SMCO4: variants seen among roughly 807,000 people sequenced by gnomAD.
The protein encoded by SMCO4 is single-pass membrane and coiled-coil domain-containing protein 4.
SMCO4 carries 4 observed loss-of-function variants against 3.6 expected under a neutral mutation model. That is an observed-to-expected ratio of 1.11 (90% CI 0.54 to 2.53). The LOEUF is 2.53. Ranked by LOEUF, SMCO4 falls within the 30% of genes most tolerant of loss-of-function variation. The pLI, the probability that SMCO4 is intolerant of heterozygous loss-of-function variation, is 0.02. For missense variants in SMCO4, 70 were observed against 80.8 expected (o/e 0.87, Z 0.51); for synonymous variants, 36 against 35.3 (o/e 1.02, Z -0.07).
intron 1 of SMCO4, among the ~76,000 whole-genome samples, chr11:93,516,940 C>T (rs1949013344): frequency 1.3e-5 from 2 of 152,100 alleles, no homozygotes; most frequent in Admixed American, 1.3e-4. Context: ...GCCTTCCCTG[C>T]CTCATAGCCC....
At chr11:93,490,844 G>A (rs900659073) in intron 2 of SMCO4, among the ~76,000 whole-genome samples, 5 of 152,240 alleles carry the variant, frequency 3.3e-5, no homozygotes, top group African/African-American at 1.2e-4. Context: ...CTATCTCCCG[G>A]AGAAACCAAG....
At chr11:93,532,761 G>A (rs115594335) in intron 1 of SMCO4, among the ~76,000 whole-genome samples, 464 of 152,310 alleles carry the variant, frequency 3.0e-3, no homozygotes, top group African/African-American at 0.01. Context: ...GCATGGAACA[G>A]ACTCCCCTCA....
chr11:93,541,034 T>G (rs1949266984), intron 1 of SMCO4, among the ~76,000 whole-genome samples: 1 of 152,196 alleles, frequency 6.6e-6, no homozygotes, highest in South Asian at 2.1e-4. Flanking sequence ...AAACCCAATA[T>G]GGATTTTGAA....
chr11:93,543,855 A>G (rs1394723660), upstream of SMCO4, among the ~76,000 whole-genome samples: 2 of 152,184 alleles, frequency 1.3e-5, no homozygotes, highest in African/African-American at 2.4e-5. Context: ...ATGAGTTGAG[A>G]CTTTTACCGC....
At chr11:93,535,327 GT>G in intron 1 of SMCO4, 1 of 583,494 alleles carries the variant, frequency 1.7e-6, no homozygotes. Flanking sequence ...GTCCTTGAGG[GT>G]TTGGTTCCCT....
intron 1 of SMCO4, among the ~76,000 whole-genome samples, chr11:93,502,748 G>T (rs1282957654): frequency 6.6e-6 from 1 of 152,082 alleles, no homozygotes; most frequent in Non-Finnish European, 1.5e-5. Flanking sequence ...GATAAAAAAT[G>T]AAAAAGAAAC....
chr11:93,535,446 G>T, intron 1 of SMCO4: 1 of 1,332,900 alleles, frequency 7.5e-7, no homozygotes, highest in Non-Finnish European at 1.1e-6. Context: ...TTAAGCAGAG[G>T]GAGTCGAGCC....
rs1565383134 is a variant in SMCO4, at chr11:93,514,416, AT to A, written c.-153-15069del. Among the ~76,000 whole-genome samples the A allele has an allele frequency of 4.3e-3, 209 of 49,146 alleles. 4 individuals carry two copies. The highest frequency in any genetic ancestry group is 0.013 in the African/African-American group (195 of 15,554). 32.2% of individuals were successfully genotyped at this position (49,146 alleles called of 152,430 possible). A position where few individuals can be genotyped will look rare whatever the true frequency, so the allele number is the denominator to read the frequency against. The stretch of plus-strand genomic sequence containing the variant: ...TATATATATATATATATATATATAT[AT>A]ATATAAAATTTGGTCTCTTCCAAAG... On this transcript the variant is annotated intron_variant, in intron 1 of 2. Transcript: ENST00000298966.
chr11:93,548,961 T>G, the SMCO4 span, among the ~76,000 whole-genome samples: 1 of 152,252 alleles, frequency 6.6e-6, no homozygotes, highest in South Asian at 2.1e-4. Context: ...GTACACTCTA[T>G]GCGTATGAAG....
At chr11:93,543,130 G>C (rs922753014) in intron 1 of SMCO4, 146 bp downstream of exon 1, 5 of 151,214 alleles carry the variant, frequency 3.3e-5, no homozygotes, top group African/African-American at 9.7e-5. Flanking sequence ...TGGGTCAGCA[G>C]CACTGCGCGG....
intron 1 of SMCO4, among the ~76,000 whole-genome samples, chr11:93,514,422 A>ATATATACATAT (rs1948990819): frequency 9.6e-6 from 1 of 103,898 alleles, no homozygotes; most frequent in African/African-American, 3.8e-5. Context: ...ATATATATAT[A>ATATATACATAT]AAATTTGGTC....
At chr11:93,537,315 C>T (rs577391562) in intron 1 of SMCO4, among the ~76,000 whole-genome samples, 3 of 152,316 alleles carry the variant, frequency 2.0e-5, no homozygotes, top group African/African-American at 7.2e-5. Flanking sequence ...ATTTGAGTCC[C>T]TCCACTTCGG....
At chr11:93,507,068 G>A (rs1169730340) in intron 1 of SMCO4, among the ~76,000 whole-genome samples, 3 of 152,072 alleles carry the variant, frequency 2.0e-5, no homozygotes, top group Non-Finnish European at 4.4e-5. Flanking sequence ...GAAAACTGAC[G>A]GTATTTGTTG....
chr11:93,530,826 C>T (rs971468004), intron 1 of SMCO4, among the ~76,000 whole-genome samples: 9 of 152,170 alleles, frequency 5.9e-5, no homozygotes, highest in African/African-American at 1.7e-4. Context: ...TCAGCAAAGC[C>T]CTCCTTGACC....
chr11:93,504,019 T>C (rs1337469148), intron 1 of SMCO4, among the ~76,000 whole-genome samples: 1 of 152,184 alleles, frequency 6.6e-6, no homozygotes, highest in Non-Finnish European at 1.5e-5. Flanking sequence ...TAAAACAAAA[T>C]GTTTATAGTG....
At chr11:93,551,797 C>G in the SMCO4 span, among the ~76,000 whole-genome samples, 2 of 152,174 alleles carry the variant, frequency 1.3e-5, no homozygotes, top group African/African-American at 4.8e-5. Flanking sequence ...TACTAAACAT[C>G]TGATGTGAAA....
intron 1 of SMCO4, among the ~76,000 whole-genome samples, chr11:93,531,760 C>G (rs985405497): frequency 1.1e-4 from 16 of 152,184 alleles, no homozygotes; most frequent in African/African-American, 3.9e-4. Context: ...GCCCCCAAAT[C>G]ACTAAGCTAA....
At chr11:93,481,544 C>G (rs907878847) in intron 2 of SMCO4, 13 of 984,204 alleles carry the variant, frequency 1.3e-5, no homozygotes, top group Non-Finnish European at 1.4e-5. Flanking sequence ...CACACCCCAA[C>G]GGCCCTGTGA....
intron 2 of SMCO4, among the ~76,000 whole-genome samples, chr11:93,492,617 G>T (rs1432623098): frequency 3.3e-5 from 5 of 152,220 alleles, no homozygotes; most frequent in African/African-American, 1.2e-4. Flanking sequence ...AGGCCTGCAG[G>T]AAAGGCTGGA....
Sources: gnomAD v4.1 joint callset for allele counts (sites outside exome capture counted in the v4.1 genomes callset) on GRCh38, gnomAD v4.1.1 for gene constraint, MANE v1.5 for transcripts, NCBI Gene and HGNC (gene_info 2026-07-23, HGNC 2026-07-21) for gene names.